The following FIP1L1 variants were observed in gnomAD, a reference collection of about 807,000 sequenced individuals.
FIP1L1 encodes the protein pre-mRNA 3'-end-processing factor FIP1.
A neutral mutation model predicts 84.6 loss-of-function variants in FIP1L1; 21 were observed. The ratio of observed to expected loss-of-function variants is 0.25; its 90% confidence interval spans 0.18 to 0.36. The LOEUF (loss-of-function observed/expected upper bound fraction) is 0.36, where lower values mean the gene tolerates loss of function less well. Ranked by LOEUF, FIP1L1 falls within the 10% of genes least tolerant of loss-of-function variation. FIP1L1 has a pLI of 1.00. For missense variants in FIP1L1, 526 were observed against 751.1 expected, an observed-to-expected ratio of 0.70 and a Z score of 3.50; for synonymous variants, 263 against 242.3, an observed-to-expected ratio of 1.09 and a Z score of -0.80.
intron 5 of FIP1L1, among the ~76,000 whole-genome samples, chr4:53,387,704 G>A (rs1370624538): frequency 6.6e-6 from 1 of 152,178 alleles, no homozygotes; most frequent in African/African-American, 2.4e-5. Flanking sequence ...GAACACTTGT[G>A]GCTAAGCCTT....
chr4:53,390,697 C>A, intron 7 of FIP1L1, 69 bp downstream of exon 7: 3 of 956,976 alleles, frequency 3.1e-6, no homozygotes, highest in Non-Finnish European at 3.2e-6. Context: ...TTTTTTTGAA[C>A]ATCAATTTAG....
At chr4:53,452,801 T>C in intron 15 of FIP1L1, 119 bp from the exon 16 acceptor site, 1 of 706,982 alleles carries the variant, frequency 1.4e-6, no homozygotes, top group South Asian at 1.9e-5. Flanking sequence ...CACCATGTGA[T>C]ATTTCTCTTT....
chr4:53,458,617 C>A, intron 16 of FIP1L1, 36 bp from the exon 17 acceptor site: 1 of 1,600,266 alleles, frequency 6.2e-7, no homozygotes, highest in South Asian at 1.1e-5. Flanking sequence ...AATTAATGGT[C>A]CAGTTGTCAA....
At chr4:53,378,132 C>T (rs1413190861) in intron 1 of FIP1L1, 4 of 443,546 alleles carry the variant, frequency 9.0e-6, no homozygotes, top group Non-Finnish European at 1.6e-5. Flanking sequence ...TGCGCATCCA[C>T]CCCTGTGGCG....
rs151126152 is a variant in FIP1L1, at chr4:53,384,406, C to T, written c.332+530C>T. ...CCTGGGTAACAGAGTGAGACTCTGT[C>T]TCGAGAAAAAGAAAAAAAAAAAGTA... On this transcript the variant is annotated intron_variant, in intron 5 of 17. Coordinates refer to ENST00000337488, the MANE Select transcript of FIP1L1 (RefSeq NM_030917.4). Among the ~76,000 whole-genome samples the T allele has an allele frequency of 9.5e-3, 1,430 of 150,502 alleles. 20 individuals are homozygous for T. Among genetic ancestry groups the T allele is most frequent in the African/African-American group, 0.033 (1,367 of 41,002 alleles).
intron 1 of FIP1L1, chr4:53,378,716 C>A: frequency 4.4e-6 from 1 of 225,090 alleles, no homozygotes; most frequent in Non-Finnish European, 8.7e-6. Flanking sequence ...AAGTCACAAT[C>A]CCTTCTTGCT....
At chr4:53,404,079 A>T (rs747779658) in intron 10 of FIP1L1, among the ~76,000 whole-genome samples, 11 of 151,350 alleles carry the variant, frequency 7.3e-5, no homozygotes, top group Non-Finnish European at 1.3e-4. Context: ...TTACATATGT[A>T]TACATGTGCC....
intron 15 of FIP1L1, among the ~76,000 whole-genome samples, chr4:53,451,210 A>G (rs537102301): frequency 2.0e-5 from 3 of 151,632 alleles, no homozygotes; most frequent in Non-Finnish European, 2.9e-5. Context: ...ACCTCAGGCA[A>G]TCCGCCCACC....
intron 13 of FIP1L1, among the ~76,000 whole-genome samples, chr4:53,433,923 G>A (rs918082007): frequency 5.3e-5 from 8 of 151,756 alleles, no homozygotes; most frequent in African/African-American, 1.9e-4. Flanking sequence ...TGTTAATTTC[G>A]GGTTAGGGAT....
chr4:53,387,398 G>A (rs1741669912), intron 5 of FIP1L1, among the ~76,000 whole-genome samples: 1 of 152,146 alleles, frequency 6.6e-6, no homozygotes, highest in African/African-American at 2.4e-5. Context: ...CAGTTAATTG[G>A]GTACAGGTGG....
intron 4 of FIP1L1, among the ~76,000 whole-genome samples, chr4:53,383,553 T>TC (rs1035227603): frequency 5.3e-5 from 8 of 152,008 alleles, no homozygotes; most frequent in South Asian, 2.1e-4. Flanking sequence ...TCCTAGCTAC[T>TC]CTAGAGGCTG....
In FIP1L1 at chr4:53,458,633, C is replaced by G; in HGVS notation, c.1500-20C>G. On this transcript the variant is annotated intron_variant, in intron 16 of 17. Transcript: ENST00000337488. ...ATTAATGGTCCAGTTGTCAAGAAAA[C>G]ATTTCTATTTCAATTTCAGCGATGA... is the stretch of plus-strand genomic sequence containing the variant. 1 of 1,604,330 alleles carries G rather than the reference C, an allele frequency of 6.2e-7. No homozygotes were observed. Among genetic ancestry groups the G allele is most frequent in the South Asian group, 1.1e-5 (1 of 89,426 alleles).
chr4:53,447,225 A>T (rs1298319636), intron 15 of FIP1L1, among the ~76,000 whole-genome samples: 1 of 152,030 alleles, frequency 6.6e-6, no homozygotes. Flanking sequence ...TTATCTTTCA[A>T]TATGATAGAT....
chr4:53,446,346 T>C (rs1256054990), intron 15 of FIP1L1, among the ~76,000 whole-genome samples: 1 of 152,190 alleles, frequency 6.6e-6, no homozygotes, highest in African/African-American at 2.4e-5. Context: ...TTGAAATACA[T>C]TGAAGCACCT....
intron 5 of FIP1L1, among the ~76,000 whole-genome samples, chr4:53,386,511 T>C (rs532072346): frequency 4.6e-5 from 7 of 152,304 alleles, no homozygotes; most frequent in African/African-American, 1.2e-4. Context: ...AATAGAAACA[T>C]GTACAAAGTG....
rs759510107 is a variant in FIP1L1, at chr4:53,444,125, C to G, written c.1285+22C>G. On this transcript the variant is annotated intron_variant, in intron 15 of 17. Coordinates refer to ENST00000337488, the MANE Select transcript of FIP1L1 (RefSeq NM_030917.4). ...AATGGTAAGTAGTATTATTTAGATG[C>G]CTAGATTCAGTTTGAATCAGTAAAG... The G allele has an allele frequency of 2.7e-6, 4 of 1,471,650 alleles. No homozygotes were observed. In the Admixed American group the frequency reaches 6.7e-5, roughly 25 times the overall value. The allele number at this position is 1,471,650 out of a possible 1,614,324, so 91.2% of individuals were successfully genotyped here. A position where few individuals can be genotyped will look rare whatever the true frequency, so the allele number is the denominator to read the frequency against.
rs766705266 is a variant in FIP1L1 at position 53,389,834 on chromosome 4, C to G, written c.358C>G (p.Leu120Val). 1.2e-6 allele frequency: 2 copies of G among 1,600,806 alleles called. No individual in the cohort carries two copies. The highest frequency in any genetic ancestry group is 1.4e-5 in the African/African-American group (1 of 73,642). ...YGSYGTAPVN[L>V]NIKTGGRVYG... The stretch of plus-strand genomic sequence containing the variant: ...GAGTTATGGTACAGCACCTGTAAAT[C>G]TTAACATCAAGACAGGGGGAAGAGT... The change falls in exon 6 of 18, where the codon CTT (leucine) becomes GTT (valine). Residue 120 changes from leucine (L) to valine (V), a missense_variant. Physicochemically the swap from Leu to Val is conservative, Grantham distance 32. Around this residue, in one of 6 missense-constraint regions of FIP1L1, gnomAD observed 169 missense variants for 206.9 expected, o/e 0.82. Transcript: ENST00000337488.
rs760628042 is a variant in FIP1L1, at chr4:53,459,635, C to CTAT, written c.*188_*190dup. 5.4e-5 allele frequency: 42 copies of CTAT among 780,236 alleles called. No individual in the cohort carries two copies. The highest frequency in any genetic ancestry group is 3.9e-4 in the Middle Eastern group (1 of 2,584). The allele number at this position is 780,236 out of a possible 1,614,324, so 48.3% of individuals were successfully genotyped here. A position where few individuals can be genotyped will look rare whatever the true frequency, so the allele number is the denominator to read the frequency against. ...TTAAGTTAAAAATCTTTGTCTTGTA[C>CTAT]TATTTCAAAAATAAAAAGACAGCAA... On this transcript the variant is annotated 3_prime_UTR_variant, in exon 18 of 18. Transcript: ENST00000337488.
At chr4:53,391,945 C>T (rs1296853298) in intron 9 of FIP1L1, among the ~76,000 whole-genome samples, 1 of 152,132 alleles carries the variant, frequency 6.6e-6, no homozygotes, top group South Asian at 2.1e-4. Context: ...CCTGATAGCT[C>T]AAGATATCTT....
Sources: gnomAD v4.1 joint callset for allele counts (sites outside exome capture counted in the v4.1 genomes callset) on GRCh38, gnomAD v4.1.1 for gene constraint, gnomAD v4.1.1 regional missense constraint, MANE v1.5 for transcripts, NCBI Gene and HGNC (gene_info 2026-07-23, HGNC 2026-07-21) for gene names.